Variants in ACADL observed in about 807,000 individuals in gnomAD.
ACADL encodes the protein long-chain specific acyl-CoA dehydrogenase, mitochondrial.
Under a neutral mutation model 56.9 loss-of-function variants are expected in ACADL, and 60 were observed. That is an observed-to-expected ratio of 1.05 (90% CI 0.86 to 1.31). The LOEUF (loss-of-function observed/expected upper bound fraction) is 1.31. Among genes scored for constraint, ACADL ranks in the 50% most tolerant of loss-of-function variants. ACADL has a pLI of 0.00. For synonymous variants in ACADL, 158 were observed against 179.7 expected (o/e 0.88, Z 0.97); for missense variants, 484 against 525.5 (o/e 0.92, Z 0.77).
chr2:210,222,467 G>GGCAACATAGTGA (rs1327045689), intron 1 of ACADL, among the ~76,000 whole-genome samples: 3 of 149,160 alleles, frequency 2.0e-5, no homozygotes, highest in African/African-American at 7.5e-5. Context: ...AACCAGTCTG[G>GGCAACATAGTGA]GCAACATAGT....
At chr2:210,224,632 T>C in intron 1 of ACADL, 1 of 985,586 alleles carries the variant, frequency 1.0e-6, no homozygotes, top group Non-Finnish European at 1.2e-6. Context: ...AATTTCCTTG[T>C]TTGATGGAAC....
intron 10 of ACADL, among the ~76,000 whole-genome samples, chr2:210,191,675 G>A (rs1021395675): frequency 4.6e-5 from 7 of 152,142 alleles, no homozygotes; most frequent in Admixed American, 4.6e-4. Context: ...TTGAATGTAG[G>A]TTTCATAATT....
At chr2:210,191,622 A>G (rs1018787980) in intron 10 of ACADL, among the ~76,000 whole-genome samples, 2 of 152,232 alleles carry the variant, frequency 1.3e-5, no homozygotes, top group Admixed American at 6.5e-5. Flanking sequence ...GTTTCCAATT[A>G]TACTTACCAA....
In ACADL at chr2:210,189,094, T is replaced by C. The variant is rs562293303; in HGVS notation, c.1200-40A>G. On this transcript the variant is annotated intron_variant, in intron 10 of 10. Transcript: ENST00000233710. ...TGATTGAATGAATAAATAAAATATA[T>C]TAGAAACTGTAAATTTTGTCTTACC... 9 of 1,425,742 alleles carry C rather than the reference T, an allele frequency of 6.3e-6. No homozygotes were observed. The African/African-American group carries it at 9.9e-5, about 16-fold the overall frequency. 88.3% of individuals were successfully genotyped at this position (1,425,742 alleles called of 1,614,324 possible).
intron 6 of ACADL, 54 bp from the exon 7 acceptor site, chr2:210,204,736 A>T: frequency 3.0e-6 from 4 of 1,344,028 alleles, no homozygotes; most frequent in Non-Finnish European, 4.3e-6. Context: ...TCTTCCAATA[A>T]CCCAGTGAAT....
rs375778881 is a variant in ACADL, at chr2:210,215,287, C to A, written c.536+1060G>T. Among the ~76,000 whole-genome samples, 8 of 152,132 alleles carry A rather than the reference C, an allele frequency of 5.3e-5. No homozygotes were observed. The East Asian group carries it at 1.5e-3, about 29-fold the overall frequency. ...CTGTTTTCTCAACAACCACCTCACT[C>A]CCATAAAAGGTAACTTCTGCCCCTC... is the stretch of plus-strand genomic sequence containing the variant. On this transcript the variant is annotated intron_variant, in intron 4 of 10. Transcript: ENST00000233710.
intron 5 of ACADL, chr2:210,209,866 T>C (rs1667653886): frequency 4.7e-6 from 1 of 212,544 alleles, no homozygotes; most frequent in Non-Finnish European, 9.5e-6. Context: ...CAATCTTTTA[T>C]CAACATAAAG....
Position 210,225,152 on chromosome 2 carries a change from G to T in ACADL, c.77+35C>A, listed in dbSNP as rs1455232018. 4.6e-6 allele frequency: 7 copies of T among 1,527,890 alleles called. No individual in the cohort carries two copies. The African/African-American group carries it at 9.7e-5, about 21-fold the overall frequency. 94.6% of individuals were successfully genotyped at this position (1,527,890 alleles called of 1,614,324 possible). ...TCGCTGCCCCACCCCACAGCCTCCC[G>T]GCCTGCAGCCGCGGAAGTCCCGGCT... On this transcript the variant is annotated intron_variant, in intron 1 of 10. Coordinates refer to ENST00000233710, the MANE Select transcript of ACADL (RefSeq NM_001608.4).
chr2:210,200,191 C>T (rs1193980336), intron 8 of ACADL, among the ~76,000 whole-genome samples: 6 of 151,956 alleles, frequency 3.9e-5, no homozygotes, highest in Non-Finnish European at 7.4e-5. Flanking sequence ...TTGCCAGGAG[C>T]GTAGTATGTG....
intron 8 of ACADL, among the ~76,000 whole-genome samples, chr2:210,196,994 T>TTTTATA (rs764000254): frequency 1.3e-5 from 2 of 152,194 alleles, no homozygotes; most frequent in African/African-American, 2.4e-5. Flanking sequence ...ATAAAACTGA[T>TTTTATA]TCTTTCACTG....
At chr2:210,197,162 C>T (rs554475284) in intron 8 of ACADL, among the ~76,000 whole-genome samples, 25 of 152,246 alleles carry the variant, frequency 1.6e-4, no homozygotes, top group African/African-American at 5.1e-4. Context: ...AACTACTGTG[C>T]TGATGAAAAC....
At chr2:210,216,655 CTT>C (rs753261272) in intron 3 of ACADL, 144 bp from the exon 4 acceptor site, 3 of 800,128 alleles carry the variant, frequency 3.7e-6, no homozygotes, top group African/African-American at 1.8e-5. Flanking sequence ...AGTGTTTTCT[CTT>C]TTTGTTTTTA....
intron 5 of ACADL, among the ~76,000 whole-genome samples, chr2:210,209,121 A>G (rs1688939701): frequency 1.3e-5 from 2 of 152,264 alleles, no homozygotes; most frequent in South Asian, 4.1e-4. Context: ...AATTATTTAA[A>G]CAAATATTTA....
chr2:210,216,356 C>G lies in ACADL; in HGVS notation c.527G>C (p.Gly176Ala), dbSNP rs1465795605. 1.2e-6 allele frequency: 2 copies of G among 1,613,678 alleles called. No individual in the cohort carries two copies. Among genetic ancestry groups the G allele is most frequent in the African/African-American group, 1.3e-5 (1 of 75,030 alleles). ...CIGAIAMTEP[G>A]AGSDLQGIKT... ...CTAAATATTAACTTACCTTCCAGCT[C>G]CAGGCTCTGTCATTGCTATTGCACC... Residue 176 changes from glycine (G) to alanine (A), a missense_variant, in exon 4 of 11, where the codon GGA (glycine) becomes GCA (alanine). By Grantham distance (60) the Gly-to-Ala change is moderately conservative. Transcript: ENST00000233710.
intron 6 of ACADL, among the ~76,000 whole-genome samples, chr2:210,204,965 T>C (rs1475563613): frequency 6.6e-6 from 1 of 152,206 alleles, no homozygotes; most frequent in Non-Finnish European, 1.5e-5. Flanking sequence ...CTAATACATA[T>C]TAAGCAAAAC....
At chr2:210,220,977 A>G (rs1253823665) in intron 1 of ACADL, among the ~76,000 whole-genome samples, 175 bp from the exon 2 acceptor site, 1 of 152,182 alleles carries the variant, frequency 6.6e-6, no homozygotes, top group Non-Finnish European at 1.5e-5. Flanking sequence ...TTTTGATGGG[A>G]TCTACCTCAT....
chr2:210,218,146 T>C, intron 2 of ACADL, 44 bp from the exon 3 acceptor site: 1 of 1,530,958 alleles, frequency 6.5e-7, no homozygotes, highest in Non-Finnish European at 8.9e-7. Context: ...TTTTAAATAT[T>C]ATTTAAATGG....
chr2:210,191,077 A>AT (rs1452608887), intron 10 of ACADL, among the ~76,000 whole-genome samples: 5 of 151,828 alleles, frequency 3.3e-5, no homozygotes, highest in South Asian at 2.1e-4. Flanking sequence ...CGCCTAGCTA[A>AT]TTTTTTTGTA....
chr2:210,217,526 T>TA (rs1449989011), intron 3 of ACADL: 2 of 162,814 alleles, frequency 1.2e-5, no homozygotes, highest in African/African-American at 2.4e-5. Context: ...TTTTCTCATT[T>TA]AAAAAAACAT....
Sources: gnomAD v4.1 joint callset for allele counts (sites outside exome capture counted in the v4.1 genomes callset) on GRCh38, gnomAD v4.1.1 for gene constraint, MANE v1.5 for transcripts, NCBI Gene and HGNC (gene_info 2026-07-23, HGNC 2026-07-21) for gene names.